Variants in BCHE observed in about 807,000 individuals in gnomAD.
BCHE encodes butyrylcholinesterase, also known as cholinesterase.
Under a neutral mutation model 51.3 loss-of-function variants are expected in BCHE, and 48 were observed. That is an observed-to-expected ratio of 0.94 (90% CI 0.74 to 1.19). The LOEUF (loss-of-function observed/expected upper bound fraction) is 1.19. BCHE is among the 50% of genes most tolerant of loss of function. BCHE has a pLI of 0.00. For synonymous variants in BCHE, 251 were observed against 238.0 expected (o/e 1.05, Z -0.50); for missense variants, 847 against 708.2 (o/e 1.20, Z -2.23).
At chr3:165,815,664 G>C (rs1170683005) in intron 2 of BCHE, among the ~76,000 whole-genome samples, 1 of 151,928 alleles carries the variant, frequency 6.6e-6, no homozygotes, top group Non-Finnish European at 1.5e-5. Context: ...AGAATATCCT[G>C]ACTATACAAT....
chr3:165,828,570 G>T (rs1714821511), intron 2 of BCHE, among the ~76,000 whole-genome samples: 1 of 152,070 alleles, frequency 6.6e-6, no homozygotes, highest in African/African-American at 2.4e-5. Context: ...AGTTATAAAA[G>T]ATAGTGTGAT....
Position 165,773,491 on chromosome 3 carries a change from G to C in BCHE, c.1700C>G (p.Ala567Gly), listed in dbSNP as rs752317854. 5 of 1,607,164 alleles carry C rather than the reference G, an allele frequency of 3.1e-6. No homozygotes were observed. Among genetic ancestry groups the C allele is most frequent in the Non-Finnish European group, 4.3e-6 (5 of 1,174,288 alleles). Residue 567 changes from alanine (A) to glycine (G), a missense_variant, in exon 4 of 4, where the codon GCA becomes GGA. Ala to Gly is a moderately conservative substitution (Grantham distance 60). Coordinates refer to ENST00000264381, the MANE Select transcript of BCHE (RefSeq NM_000055.4). ...VLEMTGNIDE[A>G]EWEWKAGFHR... ...GAATCCTGCTTTCCACTCCCATTCT[G>C]CTTCATCAATATTTCCTGTAAAATA...
intron 2 of BCHE, among the ~76,000 whole-genome samples, chr3:165,823,716 A>G (rs1342516869): frequency 2.6e-5 from 4 of 152,040 alleles, no homozygotes; most frequent in Non-Finnish European, 5.9e-5. Context: ...AATAATCCCA[A>G]TGGTTTGCAA....
rs762988755 is a variant in BCHE at position 165,773,461 on chromosome 3, C to T, written c.1730G>A (p.Arg577His). The change falls in exon 4 of 4, where the codon CGC becomes CAC. Residue 577 changes from arginine to histidine, a missense_variant. Coordinates refer to ENST00000264381, the MANE Select transcript of BCHE (RefSeq NM_000055.4). ...AEWEWKAGFHRWNNYMMDWKN... is the reference protein window; with the variant it reads ...AEWEWKAGFHHWNNYMMDWKN... Reference sequence around the variant, plus strand: ...CCAGTCCATCATGTAATTGTTCCAGCGATGGAATCCTGCTTTCCACTCCCA... The same window carrying T: ...CCAGTCCATCATGTAATTGTTCCAGTGATGGAATCCTGCTTTCCACTCCCA... The T allele has an allele frequency of 5.6e-6, 9 of 1,608,330 alleles. No individual in the cohort carries two copies. The highest frequency in any genetic ancestry group is 5.5e-5 in the South Asian group (5 of 90,872).
intron 2 of BCHE, among the ~76,000 whole-genome samples, chr3:165,803,843 G>A (rs1318693816): frequency 6.6e-6 from 1 of 152,086 alleles, no homozygotes; most frequent in Non-Finnish European, 1.5e-5. Context: ...CGTACATAAG[G>A]CACAGGGGTT....
In BCHE at chr3:165,830,652, G is replaced by A. The variant is rs3732880; in HGVS notation, c.382C>T (p.Pro128Ser). 1.2e-6 allele frequency: 2 copies of A among 1,613,992 alleles called. No individual in the cohort carries two copies. Among genetic ancestry groups the A allele is most frequent in the East Asian group, 4.5e-5 (2 of 44,862 alleles). ...EDCLYLNVWI[P>S]APKPKNATVL... ...GTGGCATTTTTTGGTTTAGGTGCTG[G>A]AATCCATACATTTAGATATAAACAG... Residue 128 changes from proline to serine, a missense_variant, in exon 2 of 4, where the codon CCA becomes TCA. Transcript: ENST00000264381.
intron 2 of BCHE, among the ~76,000 whole-genome samples, chr3:165,799,652 A>G (rs1388190213): frequency 2.0e-5 from 3 of 152,156 alleles, no homozygotes; most frequent in Non-Finnish European, 4.4e-5. Flanking sequence ...CCATAAACAT[A>G]TATACAGACT....
In BCHE at chr3:165,830,331, G is replaced by T; in HGVS notation, c.703C>A (p.His235Asn). Residue 235 changes from histidine (H) to asparagine (N), a missense_variant, in exon 2 of 4, where the codon CAT (histidine) becomes AAT (asparagine). Transcript: ENST00000264381. ...GAATGGCTTCCAGGAGAAAGCAAAT[G>T]CAGGCTAACTGAAGCTGCTCCTGCA... ...ESAGAASVSL[H>N]LLSPGSHSLF... 6.2e-7 allele frequency: 1 copy of T among 1,613,984 alleles called. No homozygotes were observed. The highest frequency in any genetic ancestry group is 8.5e-7 in the Non-Finnish European group (1 of 1,179,948).
intron 2 of BCHE, among the ~76,000 whole-genome samples, chr3:165,827,786 C>T (rs1336270789): frequency 6.6e-6 from 1 of 152,062 alleles, no homozygotes; most frequent in African/African-American, 2.4e-5. Flanking sequence ...AATTCTAATA[C>T]ACCTCTAAAA....
At chr3:165,784,152 C>A (rs1442743151) in intron 3 of BCHE, among the ~76,000 whole-genome samples, 2 of 151,810 alleles carry the variant, frequency 1.3e-5, no homozygotes, top group African/African-American at 4.8e-5. Context: ...AAAACTTTAG[C>A]CCAGGTCATC....
chr3:165,773,546 ATC>A (rs771443428), intron 3 of BCHE, 40 bp from the exon 4 acceptor site: 39 of 1,548,386 alleles, frequency 2.5e-5, no homozygotes, highest in African/African-American at 6.8e-5. Context: ...CAAAATTTTT[ATC>A]TGTTTCATTA....
chr3:165,807,020 A>G (rs957904527), intron 2 of BCHE, among the ~76,000 whole-genome samples: 1 of 152,070 alleles, frequency 6.6e-6, no homozygotes, highest in African/African-American at 2.4e-5. Flanking sequence ...ATTTTCCTTA[A>G]GAAATTATTA....
At chr3:165,804,697 T>G (rs1488046364) in intron 2 of BCHE, among the ~76,000 whole-genome samples, 1 of 152,190 alleles carries the variant, frequency 6.6e-6, no homozygotes, top group Non-Finnish European at 1.5e-5. Flanking sequence ...GTTTGAGTTT[T>G]GGGAAGACAG....
intron 2 of BCHE, among the ~76,000 whole-genome samples, chr3:165,818,392 CT>C (rs970550478): frequency 6.6e-6 from 1 of 151,948 alleles, no homozygotes; most frequent in Admixed American, 6.6e-5. Flanking sequence ...GATTTTAGGA[CT>C]ACTAAAGCAT....
At position 165,830,414 on chromosome 3, in the gene BCHE, T is replaced by A. The variant is rs776298663; in HGVS notation, c.620A>T (p.Gln207Leu). The A allele has an allele frequency of 1.1e-5, 18 of 1,613,924 alleles. No homozygotes were observed. Among genetic ancestry groups the A allele is most frequent in the Non-Finnish European group, 1.5e-5 (18 of 1,179,910 alleles). Residue 207 changes from glutamine (Q) to leucine (L), a missense_variant, in exon 2 of 4, where the codon CAA becomes CTA. Coordinates refer to ENST00000264381, the MANE Select transcript of BCHE (RefSeq NM_000055.4). ...FDQQLALQWV[Q>L]KNIAAFGGNP... is the part of the protein sequence containing the mutation. ...TCCACCAAAGGCTGCTATATTTTTT[T>A]GAACCCACTGAAGAGCCAACTGTTG... is the stretch of plus-strand genomic sequence containing the variant.
chr3:165,779,139 G>A (rs548666143), intron 3 of BCHE, among the ~76,000 whole-genome samples: 31 of 152,128 alleles, frequency 2.0e-4, no homozygotes, highest in South Asian at 1.2e-3. Flanking sequence ...CTCGTACTAC[G>A]GATGCAAGTA....
rs566341225 is a variant in BCHE at position 165,793,030 on chromosome 3, A to T, written c.1518-6719T>A. 8.1e-4 allele frequency among the ~76,000 whole-genome samples: 123 copies of T among 152,146 alleles called. 3 individuals carry two copies. In the South Asian group the frequency reaches 0.025, roughly 31 times the overall value. ...GCTGTGAAGAAGATTTTTTTAGTTT[A>T]ATACAGTTCCATTTGTCTAAATTTG... On this transcript the variant is annotated intron_variant, in intron 2 of 3. Coordinates refer to ENST00000264381, the MANE Select transcript of BCHE (RefSeq NM_000055.4).
chr3:165,805,528 A>C (rs9868011), intron 2 of BCHE, among the ~76,000 whole-genome samples: 9,594 of 152,266 alleles, frequency 0.063, 378 homozygotes, highest in African/African-American at 0.095. Flanking sequence ...GTTTTGTTAC[A>C]TATTTTAATT....
At chr3:165,794,006 C>A (rs1322285827) in intron 2 of BCHE, among the ~76,000 whole-genome samples, 1 of 151,640 alleles carries the variant, frequency 6.6e-6, no homozygotes, top group East Asian at 1.9e-4. Context: ...AAGATTGCGC[C>A]ACTGCACTCC....
Sources: gnomAD v4.1 joint callset for allele counts (sites outside exome capture counted in the v4.1 genomes callset) on GRCh38, gnomAD v4.1.1 for gene constraint, MANE v1.5 for transcripts, NCBI Gene and HGNC (gene_info 2026-07-23, HGNC 2026-07-21) for gene names.